The following SRSF11 variants were observed in gnomAD, a reference collection of about 807,000 sequenced individuals.
SRSF11 encodes the protein serine and arginine rich splicing factor 11, also known as serine/arginine-rich splicing factor 11.
Under a neutral mutation model 56.0 loss-of-function variants are expected in SRSF11, and 9 were observed. The observed-to-expected ratio is 0.16, with a 90% confidence interval of 0.10 to 0.28. SRSF11 has a LOEUF of 0.28. Among genes scored for constraint, SRSF11 ranks in the 10% least tolerant of loss-of-function variants. The pLI, the probability that SRSF11 is intolerant of heterozygous loss-of-function variation, is 1.00. For missense variants in SRSF11, 421 were observed against 600.7 expected (o/e 0.70, Z 3.13); for synonymous variants, 222 against 215.3 (o/e 1.03, Z -0.27).
At chr1:70,226,651 A>G (rs1315457544) in intron 1 of SRSF11, among the ~76,000 whole-genome samples, 1 of 152,210 alleles carries the variant, frequency 6.6e-6, no homozygotes, top group Non-Finnish European at 1.5e-5. Context: ...TGTTAATAAT[A>G]TAAGATGATA....
intron 1 of SRSF11, chr1:70,205,811 T>C (rs1668951144): frequency 2.7e-6 from 1 of 370,286 alleles, no homozygotes; most frequent in Non-Finnish European, 5.0e-6. Flanking sequence ...TAAGAGGGGC[T>C]TTCGGGTTTA....
At chr1:70,242,570 C>T (rs1488065791) in intron 7 of SRSF11, among the ~76,000 whole-genome samples, 1 of 151,896 alleles carries the variant, frequency 6.6e-6, no homozygotes, top group Non-Finnish European at 1.5e-5. Context: ...TCCCAAAGTG[C>T]TGGGGTGACA....
At chr1:70,247,021 A>C in intron 9 of SRSF11, 114 bp downstream of exon 9, 1 of 1,136,486 alleles carries the variant, frequency 8.8e-7, no homozygotes, top group South Asian at 2.4e-5. Context: ...AGTGTTGAAA[A>C]AAGTTACATT....
At chr1:70,243,362 A>C (rs901109946) in intron 7 of SRSF11, among the ~76,000 whole-genome samples, 70 of 140,380 alleles carry the variant, frequency 5.0e-4, no homozygotes, top group African/African-American at 1.7e-3. Context: ...AAAAAAAAAA[A>C]AAAAAAAAAA....
intron 3 of SRSF11, among the ~76,000 whole-genome samples, chr1:70,233,170 T>C (rs1673188948): frequency 6.6e-6 from 1 of 152,170 alleles, no homozygotes; most frequent in African/African-American, 2.4e-5. Context: ...ACCTATAAAA[T>C]GAGGATCTGA....
Position 70,239,439 on chromosome 1 carries a change from A to T in SRSF11, c.719A>T (p.Asp240Val), listed in dbSNP as rs752610527. ...CAGGTTCCTTTTCTTTTAAATATAG[A>T]TAAGAAAGAAGAAAAAAGAAGGCAT... ...QSLISAAIEP[D>V]KKEEKRRHSR... The change falls in exon 7 of 12, where the codon GAT becomes GTT. Residue 240 changes from aspartate to valine, a missense_variant and splice_region_variant. Around this residue, in one of 2 missense-constraint regions of SRSF11, gnomAD observed 253 missense variants for 305.8 expected, o/e 0.83. Coordinates refer to ENST00000370949, the MANE Select transcript of SRSF11 (RefSeq NM_001350605.2). 6.3e-7 allele frequency: 1 copy of T among 1,598,480 alleles called. No homozygotes were observed. The highest frequency in any genetic ancestry group is 8.5e-7 in the Non-Finnish European group (1 of 1,174,068).
chr1:70,221,267 C>G (rs1251042170), upstream of SRSF11: 1 of 258,874 alleles, frequency 3.9e-6, no homozygotes, highest in East Asian at 7.4e-5. Context: ...TTTCTCTAGA[C>G]CCCGGTGCCT....
At chr1:70,215,643 G>A (rs369567863) in intron 1 of SRSF11, among the ~76,000 whole-genome samples, 26 of 152,128 alleles carry the variant, frequency 1.7e-4, no homozygotes, top group Non-Finnish European at 3.4e-4. Flanking sequence ...TGCTTGTGCC[G>A]ATTTGCAAAA....
At chr1:70,230,824 C>A (rs982471671) in intron 2 of SRSF11, 27 of 1,171,476 alleles carry the variant, frequency 2.3e-5, no homozygotes, top group Non-Finnish European at 2.8e-5. Context: ...TGAATATATC[C>A]TCTTGAGACA....
rs1451774720 is a variant in SRSF11 at position 70,225,711 on chromosome 1, T to A, written c.204-2711T>A. On this transcript the variant is annotated intron_variant, in intron 1 of 11. Transcript: ENST00000370949. ...TAGCCCTCAGAGGACACGTAAGAAC[T>A]GTTAAAAACTACACCACCGCTCTTA... 2.6e-5 allele frequency among the ~76,000 whole-genome samples: 4 copies of A among 152,168 alleles called. No individual in the cohort carries two copies. In the East Asian group the frequency reaches 7.7e-4, roughly 29 times the overall value.
chr1:70,221,364 G>A (rs1670552927), upstream of SRSF11: 2 of 466,122 alleles, frequency 4.3e-6, no homozygotes, highest in Non-Finnish European at 7.6e-6. Context: ...AAGCATTGTG[G>A]GAGCTCGGGC....
Position 70,250,607 on chromosome 1 carries a change from G to A in SRSF11, c.1258-1G>A. The A allele has an allele frequency of 6.2e-7, 1 of 1,612,686 alleles. No homozygotes were observed. The highest frequency in any genetic ancestry group is 8.5e-7 in the Non-Finnish European group (1 of 1,179,628). On this transcript the variant is annotated splice_acceptor_variant, in intron 11 of 11. Transcript: ENST00000370949. LOFTEE classifies it high-confidence loss of function. Reference sequence around the variant, plus strand: ...TACTTTTATTATTCTCCTTGGCAAAGCAGGTTACACGGGATTATGATGAAG... The same window carrying A: ...TACTTTTATTATTCTCCTTGGCAAAACAGGTTACACGGGATTATGATGAAG...
chr1:70,234,505 T>C (rs1032014353), intron 3 of SRSF11, among the ~76,000 whole-genome samples, 191 bp from the exon 4 acceptor site: 1 of 152,130 alleles, frequency 6.6e-6, no homozygotes, highest in African/African-American at 2.4e-5. Context: ...TTTGTTTAGG[T>C]ATCGTCTCTG....
intron 1 of SRSF11, among the ~76,000 whole-genome samples, chr1:70,216,305 G>A (rs1000615545): frequency 5.3e-5 from 8 of 151,716 alleles, no homozygotes; most frequent in Admixed American, 6.6e-5. Flanking sequence ...GGTTCCCTAC[G>A]TGTCCTACCT....
chr1:70,225,594 C>T (rs1671600085), intron 1 of SRSF11, among the ~76,000 whole-genome samples: 1 of 152,178 alleles, frequency 6.6e-6, no homozygotes, highest in African/African-American at 2.4e-5. Flanking sequence ...TGTTAAGAAT[C>T]TGGGCCTTCA....
At chr1:70,219,141 G>A (rs1011688771), upstream of SRSF11, among the ~76,000 whole-genome samples, 1 of 152,140 alleles carries the variant, frequency 6.6e-6, no homozygotes, top group African/African-American at 2.4e-5. Context: ...TGAATATAAT[G>A]CAGATATTCC....
chr1:70,229,943 T>C (rs1672543884), intron 2 of SRSF11: 2 of 985,446 alleles, frequency 2.0e-6, no homozygotes, highest in Non-Finnish European at 2.4e-6. Flanking sequence ...CAATTTCTTT[T>C]ATGTCAGTGT....
At chr1:70,225,767 AC>A (rs1368256013) in intron 1 of SRSF11, among the ~76,000 whole-genome samples, 1 of 152,170 alleles carries the variant, frequency 6.6e-6, no homozygotes, top group Non-Finnish European at 1.5e-5. Context: ...TGCAGGACTC[AC>A]TTTACCCTAT....
At chr1:70,230,317 C>T in intron 2 of SRSF11, 1 of 1,035,774 alleles carries the variant, frequency 9.7e-7, no homozygotes, top group Non-Finnish European at 1.2e-6. Flanking sequence ...TTAATGTTAC[C>T]TCCAGTAAAT....
Sources: gnomAD v4.1 joint callset for allele counts (sites outside exome capture counted in the v4.1 genomes callset) on GRCh38, gnomAD v4.1.1 for gene constraint, gnomAD v4.1.1 regional missense constraint, MANE v1.5 for transcripts, NCBI Gene and HGNC (gene_info 2026-07-23, HGNC 2026-07-21) for gene names.